The following SVEP1 variants were observed in gnomAD, a reference collection of about 807,000 sequenced individuals.
The protein encoded by SVEP1 is sushi, von Willebrand factor type A, EGF and pentraxin domain containing 1, also known as sushi, von Willebrand factor type A, EGF and pentraxin domain-containing protein 1.
A neutral mutation model predicts 367.3 loss-of-function variants in SVEP1; 164 were observed. That is an observed-to-expected ratio of 0.45 (90% CI 0.39 to 0.51). The LOEUF is 0.51. Ranked by LOEUF, SVEP1 falls within the 20% of genes least tolerant of loss-of-function variation. SVEP1 has a pLI of 0.00. For missense variants in SVEP1, 4,117 were observed against 4,425.3 expected, an observed-to-expected ratio of 0.93 and a Z score of 1.98; for synonymous variants, 1,666 against 1,611.6, an observed-to-expected ratio of 1.03 and a Z score of -0.81.
chr9:110,375,342 G>A, intron 46 of SVEP1, 26 bp downstream of exon 46: 1 of 1,539,132 alleles, frequency 6.5e-7, no homozygotes, highest in Non-Finnish European at 8.8e-7. Flanking sequence ...GAGCCACCAA[G>A]AAAACAAACC....
chr9:110,531,646 G>A (rs746551042), intron 3 of SVEP1, among the ~76,000 whole-genome samples: 3 of 152,112 alleles, frequency 2.0e-5, no homozygotes, highest in Non-Finnish European at 4.4e-5. Context: ...AAATTACCCA[G>A]TCTCAGGTAT....
intron 1 of SVEP1, among the ~76,000 whole-genome samples, chr9:110,564,425 T>C (rs537134401): frequency 6.6e-6 from 1 of 152,192 alleles, no homozygotes; most frequent in Non-Finnish European, 1.5e-5. Context: ...TTGCAAATAC[T>C]TAGGCTTCAG....
intron 47 of SVEP1, among the ~76,000 whole-genome samples, chr9:110,368,796 T>C (rs924233769): frequency 1.1e-4 from 16 of 152,192 alleles, no homozygotes; most frequent in African/African-American, 3.4e-4. Context: ...ATTTGCTGTT[T>C]AGGGTTCAGT....
At chr9:110,546,364 T>C in intron 2 of SVEP1, 73 bp from the exon 3 acceptor site, 2 of 1,467,678 alleles carry the variant, frequency 1.4e-6, no homozygotes, top group Non-Finnish European at 1.8e-6. Flanking sequence ...GTCATTAAAA[T>C]TTAAGTGCAA....
Position 110,407,772 on chromosome 9 carries a change from G to A in SVEP1, c.7828C>T (p.Pro2610Ser). 6.2e-7 allele frequency: 1 copy of A among 1,613,948 alleles called. No individual in the cohort carries two copies. The highest frequency in any genetic ancestry group is 1.1e-5 in the South Asian group (1 of 91,082). Residue 2610 changes from proline (P) to serine (S), a missense_variant, in exon 38 of 48, where the codon CCA becomes TCA. Physicochemically the swap from Pro to Ser is moderately conservative, Grantham distance 74 (BLOSUM62 -1). Around this residue, in one of 4 missense-constraint regions of SVEP1, gnomAD observed 1,765 missense variants for 1,781.1 expected, o/e 0.99. Transcript: ENST00000374469. The part of the protein sequence containing the change: ...GWSSSIPTCM[P>S]IDCGLPPHID... Reference sequence around the variant, plus strand: ...TGAGGAGGGAGGCCACAGTCTATTGGCATACATGTTGGGATGGAACTTGAC... The same window carrying A: ...TGAGGAGGGAGGCCACAGTCTATTGACATACATGTTGGGATGGAACTTGAC...
At chr9:110,524,608 T>C (rs1588092311) in intron 3 of SVEP1, among the ~76,000 whole-genome samples, 2 of 151,940 alleles carry the variant, frequency 1.3e-5, no homozygotes, top group East Asian at 3.9e-4. Context: ...GCAAACAAAA[T>C]TGTCACCAAT....
At chr9:110,530,545 AT>A (rs1166937463) in intron 3 of SVEP1, among the ~76,000 whole-genome samples, 6 of 151,944 alleles carry the variant, frequency 3.9e-5, no homozygotes, top group Non-Finnish European at 8.8e-5. Context: ...TTTTGTTTCT[AT>A]TTTGTTTTGA....
In SVEP1 at chr9:110,579,533, C is replaced by T; in HGVS notation, c.11G>A (p.Arg4His). The T allele has an allele frequency of 1.3e-6, 2 of 1,599,600 alleles. No individual in the cohort carries two copies. The change falls in exon 1 of 48, where the codon CGC becomes CAC. Residue 4 changes from arginine (R) to histidine (H), a missense_variant. Physicochemically the swap from Arg to His is conservative, Grantham distance 29 (BLOSUM62 0). This residue lies in a region of SVEP1 where 17 missense variants were observed against 27.5 expected (regional missense o/e 0.62). Coordinates refer to ENST00000374469, the MANE Select transcript of SVEP1 (RefSeq NM_153366.4). The surrounding 1 kb of genome is among the most constrained non-coding windows in gnomAD (Gnocchi z 5.3). ...CAGACCCCAGCAACAAAAGGCCAGG[C>T]GAGGCCACATCGCGCTGGAGACAGA... is the stretch of plus-strand genomic sequence containing the variant. MWPRLAFCCWGLAL... is the reference protein window; with the variant it reads MWPHLAFCCWGLAL...
rs1472962199 is a variant in SVEP1, at chr9:110,447,017, A to G, written c.4144T>C (p.Leu1382=). The G allele has an allele frequency of 4.5e-6, 7 of 1,541,284 alleles. No homozygotes were observed. Among genetic ancestry groups the G allele is most frequent in the Admixed American group, 2.0e-5 (1 of 49,630 alleles). The change falls in exon 25 of 48, where the codon TTG becomes CTG. Residue 1382 remains leucine (L), a synonymous_variant. Coordinates refer to ENST00000374469, the MANE Select transcript of SVEP1 (RefSeq NM_153366.4). The part of the protein sequence containing the change: ...AAGFTGSHCE[L]NINECQSNPC... ...TTAGACTGACATTCATTGATGTTCA[A>G]TTCACAGTGTGATCCTGTGAAGCCA...
chr9:110,387,252 C>G, intron 42 of SVEP1, 33 bp downstream of exon 42: 1 of 1,540,458 alleles, frequency 6.5e-7, no homozygotes, highest in East Asian at 2.3e-5. Context: ...GAAACTGAAT[C>G]TGATTAAAAT....
At chr9:110,489,613 C>T (rs748915010) in intron 9 of SVEP1, 37 bp downstream of exon 9, 11 of 1,578,272 alleles carry the variant, frequency 7.0e-6, no homozygotes, top group East Asian at 6.9e-5. Context: ...TTCAAGATGA[C>T]GTTTGGATGG....
At chr9:110,406,010 G>T in intron 38 of SVEP1, 150 bp downstream of exon 38, 1 of 904,522 alleles carries the variant, frequency 1.1e-6, no homozygotes, top group Non-Finnish European at 1.5e-6. Flanking sequence ...ATAATTGTAG[G>T]TAGAATAAAG....
chr9:110,514,338 C>T (rs1342798913), intron 3 of SVEP1, among the ~76,000 whole-genome samples: 1 of 151,684 alleles, frequency 6.6e-6, no homozygotes, highest in Non-Finnish European at 1.5e-5. Context: ...ATGATGAAAC[C>T]CTGTCTCTAC....
Position 110,407,492 on chromosome 9 carries a change from C to T in SVEP1, c.8108G>A (p.Gly2703Glu). Reference protein sequence around the residue: ...GNPVLICQEDGTWNGSAPSCI... With the variant: ...GNPVLICQEDETWNGSAPSCI... Reference sequence around the variant, plus strand: ...GGATGGTGCACTGCCATTCCAAGTTCCATCTTCCTGGCAGATCAGCACAGG... The same window carrying T: ...GGATGGTGCACTGCCATTCCAAGTTTCATCTTCCTGGCAGATCAGCACAGG... Residue 2703 changes from glycine (G) to glutamate (E), a missense_variant, in exon 38 of 48, where the codon GGA (glycine) becomes GAA (glutamate). This residue lies in a region of SVEP1 where 1,765 missense variants were observed against 1,781.1 expected (regional missense o/e 0.99). Coordinates refer to ENST00000374469, the MANE Select transcript of SVEP1 (RefSeq NM_153366.4). 1.2e-6 allele frequency: 2 copies of T among 1,613,966 alleles called. No individual in the cohort carries two copies. Among genetic ancestry groups the T allele is most frequent in the Non-Finnish European group, 8.5e-7 (1 of 1,179,900 alleles).
intron 17 of SVEP1, among the ~76,000 whole-genome samples, chr9:110,467,428 A>G (rs1431599470): frequency 2.0e-5 from 3 of 152,082 alleles, no homozygotes; most frequent in African/African-American, 7.2e-5. Context: ...CAGCTGATAG[A>G]TATAGTTTGG....
chr9:110,415,363 G>A (rs1037003761), intron 36 of SVEP1, among the ~76,000 whole-genome samples: 3 of 152,058 alleles, frequency 2.0e-5, no homozygotes, highest in Admixed American at 1.3e-4. Flanking sequence ...CACATGGTAA[G>A]CATGTGGCTT....
intron 18 of SVEP1, among the ~76,000 whole-genome samples, chr9:110,462,271 T>A (rs1389415570): frequency 6.6e-6 from 1 of 152,048 alleles, no homozygotes; most frequent in Non-Finnish European, 1.5e-5. Context: ...ACATTAAAAA[T>A]AAATCTATTA....
In SVEP1 at chr9:110,430,430, G is replaced by C; in HGVS notation, c.5374C>G (p.Pro1792Ala). The change falls in exon 33 of 48, where the codon CCA becomes GCA. Residue 1792 changes from proline to alanine, a missense_variant. Pro to Ala is a conservative substitution (Grantham distance 27). Transcript: ENST00000374469. The part of the protein sequence containing the change: ...NCAEPIKCKA[P>A]GNPENGHSSG... ...GAGTGGCCATTTTCCGGATTTCCTG[G>C]AGCCTTACATTTTATAGGTTCTAGA... 3.1e-6 allele frequency: 5 copies of C among 1,611,778 alleles called. No homozygotes were observed. The highest frequency in any genetic ancestry group is 2.2e-5 in the East Asian group (1 of 44,846).
In SVEP1 at chr9:110,407,854, G is replaced by A; in HGVS notation, c.7746C>T (p.Cys2582=). Residue 2582 remains cysteine, a synonymous_variant, in exon 38 of 48, where the codon TGC becomes TGT. Coordinates refer to ENST00000374469, the MANE Select transcript of SVEP1 (RefSeq NM_153366.4). Reference sequence around the variant, plus strand: ...GACCAGCCACCTGAAACCCAGGGAAGCAACTGTAGATGATTATGGCACCAT... The same window carrying A: ...GACCAGCCACCTGAAACCCAGGGAAACAACTGTAGATGATTATGGCACCAT... ...YSYGAIIIYS[C]FPGFQVAGHA... The A allele has an allele frequency of 6.2e-7, 1 of 1,613,984 alleles. No homozygotes were observed. The highest frequency in any genetic ancestry group is 8.5e-7 in the Non-Finnish European group (1 of 1,179,894).
Sources: allele counts gnomAD v4.1 joint callset (sites outside exome capture counted in the v4.1 genomes callset), GRCh38; gene constraint gnomAD v4.1.1; regional missense constraint gnomAD v4.1.1; non-coding constraint Gnocchi (gnomAD v3.1); transcripts MANE v1.5; gene names NCBI Gene and HGNC (gene_info 2026-07-23, HGNC 2026-07-21).